The following ARMCX4 variants were observed in gnomAD, a reference collection of about 807,000 sequenced individuals.
ARMCX4 encodes armadillo repeat containing X-linked 4.
Under a neutral mutation model 34.7 loss-of-function variants are expected in ARMCX4, and 3 were observed. The ratio of observed to expected loss-of-function variants is 0.09; its 90% CI spans 0.04 to 0.22. ARMCX4 has a LOEUF of 0.22. Among genes scored for constraint, ARMCX4 ranks in the 10% least tolerant of loss-of-function variants. The pLI is 1.00. For missense variants in ARMCX4, 1,448 were observed against 1,720.8 expected, an observed-to-expected ratio of 0.84 and a Z score of 2.81; for synonymous variants, 513 against 632.8, an observed-to-expected ratio of 0.81 and a Z score of 2.84.
chrX:101,496,146 G>C (rs1556011787), downstream of ARMCX4, among the ~76,000 whole-genome samples: 1 of 110,732 alleles, frequency 9.0e-6, no homozygotes, highest in Non-Finnish European at 1.9e-5. Flanking sequence ...TGACGAGAGA[G>C]AGAGAGAGTC....
chrX:101,427,876 A>T (rs868972689), intron 2 of ARMCX4, among the ~76,000 whole-genome samples: 44 of 111,908 alleles, frequency 3.9e-4, no homozygotes, highest in African/African-American at 1.2e-3. Context: ...GCACCAAGCC[A>T]ATCATGAGGT....
chrX:101,464,143 C>T (rs1199189416), intron 4 of ARMCX4, among the ~76,000 whole-genome samples: 2 of 109,640 alleles, frequency 1.8e-5, no homozygotes, highest in East Asian at 3.0e-4. Flanking sequence ...GAGGCAGAGG[C>T]GGGTGGATCA....
chrX:101,443,462 T>C (rs1191428123), intron 2 of ARMCX4, among the ~76,000 whole-genome samples: 1 of 112,419 alleles, frequency 8.9e-6, no homozygotes, highest in Non-Finnish European at 1.9e-5. Flanking sequence ...GTTTTTATTC[T>C]TTATAAATTA....
chrX:101,492,270 T>C lies in ARMCX4; in HGVS notation c.3681T>C (p.Ala1227=). The change falls in exon 6 of 6, where the codon GCT becomes GCC. Residue 1227 remains alanine, a synonymous_variant. Transcript: ENST00000423738. The stretch of plus-strand genomic sequence containing the variant: ...CCAGTGGGGGGTCTTGGGCTCTCGC[T>C]GGGAATCAGGCCATTGGAGAGCTTT... ...NQASGGSWAL[A]GNQAIGELWA... The C allele has an allele frequency of 8.8e-7, 1 of 1,140,791 alleles. No homozygotes were observed. Among genetic ancestry groups the C allele is most frequent in the Admixed American group, 2.7e-5 (1 of 37,311 alleles). 94.0% of individuals were successfully genotyped at this position (1,140,791 alleles called of 1,213,427 possible).
Position 101,488,532 on chromosome X carries a change from A to G in ARMCX4, c.-58A>G. 1.7e-6 allele frequency: 2 copies of G among 1,154,506 alleles called. No individual in the cohort carries two copies. Among genetic ancestry groups the G allele is most frequent in the Non-Finnish European group, 2.3e-6 (2 of 872,408 alleles). The stretch of plus-strand genomic sequence containing the variant: ...TACACCCACAACTACCACTCTCTTT[A>G]CCCCAGCCCGAGTGCGCTCTACCAT... On this transcript the variant is annotated 5_prime_UTR_variant, in exon 6 of 6. Coordinates refer to ENST00000423738, the MANE Select transcript of ARMCX4 (RefSeq NM_001256155.3).
intron 4 of ARMCX4, among the ~76,000 whole-genome samples, chrX:101,480,163 C>T (rs1280097579): frequency 9.3e-6 from 1 of 107,601 alleles, no homozygotes; most frequent in African/African-American, 3.4e-5. Context: ...CACACACACA[C>T]ACACACACAC....
In ARMCX4 at chrX:101,492,016, G is replaced by A; in HGVS notation, c.3427G>A (p.Gly1143Arg). The A allele has an allele frequency of 6.1e-6, 7 of 1,155,307 alleles. No homozygotes were observed. The highest frequency in any genetic ancestry group is 3.8e-5 in the South Asian group (2 of 52,676). ...ENEASIGSWS[G>R]ASDKAGIIRS... is the part of the protein sequence containing the mutation. ...TGAAGCCAGTATTGGGTCCTGGAGT[G>A]GGGCTAGTGATAAGGCTGGGATTAT... is the stretch of plus-strand genomic sequence containing the variant. Residue 1143 changes from glycine to arginine, a missense_variant, in exon 6 of 6, where the codon GGG becomes AGG. Gly to Arg is a moderately radical substitution (Grantham distance 125, BLOSUM62 -2). Coordinates refer to ENST00000423738, the MANE Select transcript of ARMCX4 (RefSeq NM_001256155.3).
At chrX:101,510,000 A>T (rs921999682) in intron 10 of ARMCX4, among the ~76,000 whole-genome samples, 1 of 111,761 alleles carries the variant, frequency 8.9e-6, no homozygotes, top group Non-Finnish European at 1.9e-5. Context: ...TTAATAATAA[A>T]AAATGCAGTG....
chrX:101,433,025 CATACACGTGTAT>C (rs1930303935), intron 2 of ARMCX4, among the ~76,000 whole-genome samples: 1 of 80,384 alleles, frequency 1.2e-5, no homozygotes, highest in East Asian at 3.9e-4. Flanking sequence ...CATATGTATA[CATACACGTGTAT>C]ATACACACAT....
At position 101,529,886 on chromosome X, in the gene ARMCX4, G is replaced by T. The variant is rs782706418; in HGVS notation, c.*1781-1758G>T. On this transcript the variant is annotated intron_variant and NMD_transcript_variant, in intron 11 of 12. Coordinates refer to the ARMCX4 transcript ENST00000354842. ...TAGCAACACTTTTACACTGTTGGTG[G>T]GAGTGTAAACTAGTTCAACCATTGT... Among the ~76,000 whole-genome samples, 3 of 111,893 alleles carry T rather than the reference G, an allele frequency of 2.7e-5. No homozygotes were observed. In the South Asian group the frequency reaches 1.1e-3, roughly 42 times the overall value.
chrX:101,515,906 A>G (rs1556017808), intron 11 of ARMCX4, among the ~76,000 whole-genome samples: 1 of 111,270 alleles, frequency 9.0e-6, no homozygotes, highest in African/African-American at 3.3e-5. Context: ...TACCACTGGA[A>G]ACAGAGTTAT....
chrX:101,517,528 G>A (rs1934769000), intron 11 of ARMCX4, among the ~76,000 whole-genome samples: 1 of 110,877 alleles, frequency 9.0e-6, no homozygotes, highest in Non-Finnish European at 1.9e-5. Flanking sequence ...TTGTACTTCT[G>A]CCTCCCAAAG....
At chrX:101,418,689 G>A (rs1929044640) in intron 1 of ARMCX4, 1 of 111,619 alleles carries the variant, frequency 9.0e-6, no homozygotes, top group Admixed American at 9.4e-5. Context: ...TCTCGCGCCA[G>A]GGGAGTTCTC....
chrX:101,492,591 C>T lies in ARMCX4; in HGVS notation c.4002C>T (p.Gly1334=), dbSNP rs1934024513. The T allele has an allele frequency of 2.7e-6, 3 of 1,123,257 alleles. No homozygotes were observed. The African/African-American group carries it at 5.6e-5, about 21-fold the overall frequency. The allele number at this position is 1,123,257 out of a possible 1,213,427, so 92.6% of individuals were successfully genotyped here. A position where few individuals can be genotyped will look rare whatever the true frequency, so the allele number is the denominator to read the frequency against. Residue 1334 remains glycine (G), a synonymous_variant, in exon 6 of 6, where the codon GGC becomes GGT. Transcript: ENST00000423738. ...AAGGGTCCTGGGCTGGGGCTGGTGG[C>T]CAGGCTAGTGGAGGGTCAATGTTGG... ...SGEGSWAGAG[G]QASGGSMLGP... is the part of the protein sequence containing the mutation.
At chrX:101,504,292 A>G (rs1390822729) in intron 7 of ARMCX4, among the ~76,000 whole-genome samples, 1 of 111,405 alleles carries the variant, frequency 9.0e-6, no homozygotes, top group African/African-American at 3.3e-5. Context: ...TTCCATATGA[A>G]CTTTAAAGTA....
At chrX:101,437,948 G>A (rs1448735990) in intron 2 of ARMCX4, among the ~76,000 whole-genome samples, 2 of 111,657 alleles carry the variant, frequency 1.8e-5, no homozygotes, top group African/African-American at 6.5e-5. Context: ...CCAAGTAGTT[G>A]AGCGGTTTTG....
At chrX:101,530,247 C>T (rs1029247297) in intron 11 of ARMCX4, among the ~76,000 whole-genome samples, 18 of 111,754 alleles carry the variant, frequency 1.6e-4, no homozygotes, top group Non-Finnish European at 3.4e-4. Flanking sequence ...GAAAACCAAA[C>T]ACCACATGTT....
intron 2 of ARMCX4, among the ~76,000 whole-genome samples, chrX:101,433,192 A>T (rs1930373853): frequency 2.6e-5 from 2 of 76,096 alleles, no homozygotes; most frequent in African/African-American, 8.0e-5. Flanking sequence ...ACGCACACAT[A>T]CACATATATG....
chrX:101,490,436 T>G lies in ARMCX4; in HGVS notation c.1847T>G (p.Leu616Arg). Reference protein sequence around the residue: ...NKVKGNPHTVLKVGAGEGTTD... With the variant: ...NKVKGNPHTVRKVGAGEGTTD... ...GTCAAGGGCAATCCCCATACTGTGCTTAAGGTGGGGGCTGGAGAAGGTACA... is the reference window on the plus strand; with the variant it reads ...GTCAAGGGCAATCCCCATACTGTGCGTAAGGTGGGGGCTGGAGAAGGTACA... Residue 616 changes from leucine (L) to arginine (R), a missense_variant, in exon 6 of 6, where the codon CTT (leucine) becomes CGT (arginine). Transcript: ENST00000423738. 2 of 1,125,043 alleles carry G rather than the reference T, an allele frequency of 1.8e-6. No individual in the cohort carries two copies. Among genetic ancestry groups the G allele is most frequent in the Non-Finnish European group, 2.3e-6 (2 of 859,038 alleles). The allele number at this position is 1,125,043 out of a possible 1,213,427, so 92.7% of individuals were successfully genotyped here. A position where few individuals can be genotyped will look rare whatever the true frequency, so the allele number is the denominator to read the frequency against.
Sources: gnomAD v4.1 joint callset for allele counts (sites outside exome capture counted in the v4.1 genomes callset) on GRCh38, gnomAD v4.1.1 for gene constraint, MANE v1.5 for transcripts, NCBI Gene and HGNC (gene_info 2026-07-23, HGNC 2026-07-21) for gene names.